Variants in BLM observed in about 807,000 individuals in gnomAD.
BLM encodes the protein BLM RecQ like helicase.
In BLM, 95 loss-of-function variants were observed where a neutral mutation model predicts 135.3. The observed-to-expected ratio is 0.70, with a 90% confidence interval of 0.59 to 0.83. BLM has a LOEUF of 0.83. Among genes scored for constraint, BLM ranks in the 40% least tolerant of loss-of-function variants. The probability of loss-of-function intolerance (pLI) is 0.00; values close to 1 mark genes in which losing one functional copy is unlikely to be tolerated. For synonymous variants in BLM, 520 were observed against 589.2 expected (o/e 0.88, Z 1.70); for missense variants, 1,518 against 1,663.9 (o/e 0.91, Z 1.53).
chr15:90,758,347 C>T (rs1354337509), intron 5 of BLM, among the ~76,000 whole-genome samples: 1 of 152,054 alleles, frequency 6.6e-6, no homozygotes, highest in African/African-American at 2.4e-5. Flanking sequence ...AAAAGCCGAG[C>T]GTGGTAGCGT....
intron 1 of BLM, among the ~76,000 whole-genome samples, chr15:90,718,032 C>T (rs1376851831): frequency 6.6e-6 from 1 of 152,216 alleles, no homozygotes; most frequent in Admixed American, 6.5e-5. Context: ...CTGCACGTTA[C>T]TGAAACACTA....
Position 90,747,491 on chromosome 15 carries a change from G to A in BLM, c.98+1G>A, listed in dbSNP as rs750293380. 10 of 1,591,844 alleles carry A rather than the reference G, an allele frequency of 6.3e-6. No individual in the cohort carries two copies. In the South Asian group the frequency reaches 6.7e-5, roughly 11 times the overall value. On this transcript the variant is annotated splice_donor_variant, in intron 2 of 21. Transcript: ENST00000355112. LOFTEE classifies it high-confidence loss of function. The stretch of plus-strand genomic sequence containing the variant: ...TAAGTCTTTCAAAACCAAAATTTTC[G>A]TAAGTGTTTTGACTGGTTTGCTGTC...
chr15:90,723,327 G>C (rs952095897), intron 1 of BLM, among the ~76,000 whole-genome samples: 5 of 150,612 alleles, frequency 3.3e-5, no homozygotes, highest in Admixed American at 6.6e-5. Context: ...CCACGTTGTA[G>C]ATATAGTTTT....
rs774981125 is a variant in BLM, at chr15:90,747,384, T to A, written c.-4-5T>A. ...CCACTGATTTCTTTTTCCCTCACTT[T>A]TTAGGATTATGGCTGCTGTTCCTCA... On this transcript the variant is annotated splice_polypyrimidine_tract_variant and splice_region_variant and intron_variant, in intron 1 of 21. Coordinates refer to ENST00000355112, the MANE Select transcript of BLM (RefSeq NM_000057.4). 2 of 1,602,586 alleles carry A rather than the reference T, an allele frequency of 1.2e-6. No homozygotes were observed. Among genetic ancestry groups the A allele is most frequent in the East Asian group, 4.5e-5 (2 of 44,824 alleles).
At position 90,766,899 on chromosome 15, in the gene BLM, T is replaced by G. The variant is rs8038505; in HGVS notation, c.2194-11T>G. The G allele has an allele frequency of 5.9e-6, 9 of 1,527,178 alleles. No homozygotes were observed. In the African/African-American group the frequency reaches 1.2e-4, roughly 21 times the overall value. The allele number at this position is 1,527,178 out of a possible 1,614,324, so 94.6% of individuals were successfully genotyped here. On this transcript the variant is annotated splice_polypyrimidine_tract_variant and intron_variant, in intron 9 of 21. Transcript: ENST00000355112. ...TATAAAATTGAAATTGTTTACTACT[T>G]TTATACTTAGATTCCAGCTACATAT...
At chr15:90,782,957 A>G (rs1237571356) in intron 13 of BLM, 29 bp downstream of exon 13, 1 of 1,521,148 alleles carries the variant, frequency 6.6e-7, no homozygotes, top group Admixed American at 1.7e-5. Context: ...TTAGCTGTCT[A>G]GAAGTAACAA....
intron 13 of BLM, among the ~76,000 whole-genome samples, chr15:90,783,209 T>G (rs1436677491): frequency 1.3e-5 from 2 of 152,244 alleles, no homozygotes; most frequent in Non-Finnish European, 2.9e-5. Flanking sequence ...CTTCTATCAG[T>G]GTTTGAATTA....
chr15:90,805,114 G>A (rs1300656603), intron 19 of BLM, among the ~76,000 whole-genome samples: 2 of 151,358 alleles, frequency 1.3e-5, no homozygotes, highest in African/African-American at 4.9e-5. Context: ...GGGATTATAG[G>A]CGTGAGCCAC....
intron 1 of BLM, among the ~76,000 whole-genome samples, chr15:90,738,368 G>T (rs1470228905): frequency 6.6e-6 from 1 of 152,170 alleles, no homozygotes; most frequent in African/African-American, 2.4e-5. Flanking sequence ...GAGCCTAGGA[G>T]TTGGAGACCA....
intron 20 of BLM, among the ~76,000 whole-genome samples, chr15:90,810,380 G>T (rs1463213392): frequency 1.3e-5 from 2 of 152,058 alleles, no homozygotes; most frequent in Admixed American, 1.3e-4. Flanking sequence ...CTTCTATATG[G>T]TAATTAGTCC....
At chr15:90,782,386 TCAAAAAAAAA>T (rs1328149721) in intron 12 of BLM, among the ~76,000 whole-genome samples, 4 of 151,658 alleles carry the variant, frequency 2.6e-5, no homozygotes, top group East Asian at 2.0e-4. Flanking sequence ...AGACTCTGTC[TCAAAAAAAAA>T]CAAAACAAAA....
intron 21 of BLM, among the ~76,000 whole-genome samples, chr15:90,811,754 C>G (rs2151200285): frequency 6.6e-6 from 1 of 152,234 alleles, no homozygotes; most frequent in South Asian, 2.1e-4. Flanking sequence ...GCCTCCTGTA[C>G]TCAAGTGATC....
intron 17 of BLM, among the ~76,000 whole-genome samples, chr15:90,803,024 G>A (rs1004199151): frequency 6.6e-5 from 10 of 151,990 alleles, no homozygotes; most frequent in East Asian, 1.9e-4. Flanking sequence ...TTAGGTGGGT[G>A]TGATGGCCTG....
Position 90,724,779 on chromosome 15 carries a change from C to T in BLM, c.-5+7339C>T, listed in dbSNP as rs149764183. Among the ~76,000 whole-genome samples the T allele has an allele frequency of 3.3e-5, 5 of 152,284 alleles. No individual in the cohort carries two copies. The East Asian group carries it at 9.7e-4, about 29-fold the overall frequency. On this transcript the variant is annotated intron_variant, in intron 1 of 21. Transcript: ENST00000355112. Reference sequence around the variant, plus strand: ...TCCCACCATCTCTACATGTTCTCACCAACCTAGAAGCTCCCTGAGCCCTAT... The same window carrying T: ...TCCCACCATCTCTACATGTTCTCACTAACCTAGAAGCTCCCTGAGCCCTAT...
chr15:90,717,968 C>CA (rs1894652565), intron 1 of BLM, among the ~76,000 whole-genome samples: 3 of 152,202 alleles, frequency 2.0e-5, no homozygotes, highest in Admixed American at 2.0e-4. Context: ...AAGAATACTG[C>CA]ATCAGATTGC....
chr15:90,808,532 T>C lies in BLM; in HGVS notation c.3752-605T>C, dbSNP rs555896871. On this transcript the variant is annotated intron_variant, in intron 19 of 21. Transcript: ENST00000355112. ...TACTCTTTCCTTTACAGTCAAGTTC[T>C]TAAACAGCAGCCAGGGTGGCCTTTA... is the stretch of plus-strand genomic sequence containing the variant. Among the ~76,000 whole-genome samples the C allele has an allele frequency of 8.5e-5, 13 of 152,362 alleles. No homozygotes were observed. The South Asian group carries it at 2.7e-3, about 32-fold the overall frequency.
At chr15:90,722,632 A>G (rs1049281524) in intron 1 of BLM, among the ~76,000 whole-genome samples, 9 of 152,196 alleles carry the variant, frequency 5.9e-5, no homozygotes, top group Non-Finnish European at 1.3e-4. Context: ...CATAATTTAA[A>G]GAATAGTTAC....
chr15:90,778,289 A>G (rs1896530777), intron 12 of BLM, among the ~76,000 whole-genome samples: 1 of 152,206 alleles, frequency 6.6e-6, no homozygotes, highest in African/African-American at 2.4e-5. Flanking sequence ...TAACTGGTAA[A>G]CAGTTCTGAG....
intron 5 of BLM, among the ~76,000 whole-genome samples, chr15:90,757,086 T>C (rs1895839027): frequency 6.6e-6 from 1 of 152,208 alleles, no homozygotes; most frequent in Non-Finnish European, 1.5e-5. Flanking sequence ...TGGTTTGTTT[T>C]TATGAACTTT....
Sources: gnomAD v4.1 joint callset for allele counts (sites outside exome capture counted in the v4.1 genomes callset) on GRCh38, gnomAD v4.1.1 for gene constraint, MANE v1.5 for transcripts, NCBI Gene and HGNC (gene_info 2026-07-23, HGNC 2026-07-21) for gene names.